The following ANKS1B variants were observed in gnomAD, a reference collection of about 807,000 sequenced individuals.
The protein encoded by ANKS1B is ankyrin repeat and sterile alpha motif domain containing 1B, also known as ankyrin repeat and sterile alpha motif domain-containing protein 1B.
Under a neutral mutation model 148.3 loss-of-function variants are expected in ANKS1B, and 36 were observed. The ratio of observed to expected loss-of-function variants is 0.24; its 90% CI spans 0.19 to 0.32. The LOEUF is 0.32. Ranked by LOEUF, ANKS1B falls within the 10% of genes least tolerant of loss-of-function variation. ANKS1B has a pLI of 1.00. For synonymous variants in ANKS1B, 542 were observed against 560.8 expected (o/e 0.97, Z 0.47); for missense variants, 1,157 against 1,542.6 (o/e 0.75, Z 4.19).
chr12:98,779,807 G>A (rs2098715905), intron 24 of ANKS1B, among the ~76,000 whole-genome samples: 1 of 152,134 alleles, frequency 6.6e-6, no homozygotes, highest in Non-Finnish European at 1.5e-5. Flanking sequence ...GTTCTTATTT[G>A]AGTCTCCACA....
intron 10 of ANKS1B, among the ~76,000 whole-genome samples, chr12:99,448,771 T>G (rs1183030606): frequency 2.0e-5 from 3 of 152,040 alleles, no homozygotes. Context: ...AAATCAAGAA[T>G]GACTCTAAGG....
chr12:99,653,187 A>AATC (rs2098433067), intron 9 of ANKS1B, among the ~76,000 whole-genome samples: 1 of 152,218 alleles, frequency 6.6e-6, no homozygotes, highest in Non-Finnish European at 1.5e-5. Context: ...AGCCTAAAAA[A>AATC]TAATAAAATC....
rs1374867172 is a variant in ANKS1B, at chr12:99,848,983, C to T, written c.135-23594G>A. 2.6e-5 allele frequency among the ~76,000 whole-genome samples: 4 copies of T among 151,848 alleles called. No homozygotes were observed. In the East Asian group the frequency reaches 7.7e-4, roughly 29 times the overall value. ...CACATGTTCTCACTTGTAAGTGGAG[C>T]TAAACACTGGGTATACATGCACATA... On this transcript the variant is annotated intron_variant, in intron 1 of 26. Transcript: ENST00000683438.
At chr12:99,493,773 C>T (rs1419898093) in intron 10 of ANKS1B, among the ~76,000 whole-genome samples, 2 of 151,720 alleles carry the variant, frequency 1.3e-5, no homozygotes, top group Admixed American at 1.3e-4. Flanking sequence ...GTTGAGGTGC[C>T]CTTGGAGATA....
chr12:99,659,849 T>C (rs2098467725), intron 8 of ANKS1B, among the ~76,000 whole-genome samples: 1 of 152,236 alleles, frequency 6.6e-6, no homozygotes, highest in African/African-American at 2.4e-5. Context: ...GTCCAGATTA[T>C]AATCCAAGCC....
intron 17 of ANKS1B, among the ~76,000 whole-genome samples, chr12:98,977,280 G>GA (rs1394207584): frequency 6.6e-6 from 1 of 152,082 alleles, no homozygotes; most frequent in Non-Finnish European, 1.5e-5. Context: ...ATCATTTTAT[G>GA]AAAAAACCTT....
chr12:99,037,440 G>A (rs1159117543), intron 17 of ANKS1B, among the ~76,000 whole-genome samples: 2 of 151,956 alleles, frequency 1.3e-5, no homozygotes, highest in African/African-American at 4.8e-5. Context: ...GGGAGGCAGA[G>A]GTTGCAGTGA....
chr12:98,873,620 G>A (rs543947815), intron 17 of ANKS1B, among the ~76,000 whole-genome samples: 8 of 152,144 alleles, frequency 5.3e-5, no homozygotes, highest in Non-Finnish European at 1.2e-4. Flanking sequence ...CAGATGTGGT[G>A]GACAAATCCT....
chr12:99,637,844 C>CA (rs1567534552), intron 9 of ANKS1B, among the ~76,000 whole-genome samples: 15 of 145,106 alleles, frequency 1.0e-4, no homozygotes, highest in African/African-American at 3.5e-4. Flanking sequence ...TACACATACA[C>CA]GGAGAGAGAG....
chr12:99,186,366 C>T (rs2079855536), intron 14 of ANKS1B, among the ~76,000 whole-genome samples: 1 of 152,142 alleles, frequency 6.6e-6, no homozygotes, highest in South Asian at 2.1e-4. Context: ...AGCAGATCTC[C>T]CGGCACATTG....
chr12:99,862,012 C>G (rs1488422704), intron 1 of ANKS1B, among the ~76,000 whole-genome samples: 1 of 152,246 alleles, frequency 6.6e-6, no homozygotes, highest in East Asian at 1.9e-4. Flanking sequence ...AAAATAAATG[C>G]ATAATTCATT....
intron 12 of ANKS1B, among the ~76,000 whole-genome samples, chr12:99,320,686 C>T (rs1566886519): frequency 6.6e-6 from 1 of 152,202 alleles, no homozygotes; most frequent in African/African-American, 2.4e-5. Context: ...CATCTGAAGC[C>T]TTCTTCTCTC....
chr12:99,789,978 C>T (rs1423826315), intron 4 of ANKS1B, among the ~76,000 whole-genome samples: 2 of 151,988 alleles, frequency 1.3e-5, no homozygotes, highest in African/African-American at 4.8e-5. Flanking sequence ...ACTTCCCAAA[C>T]CCAGAGAAAG....
chr12:99,825,973 T>A (rs1320503723), intron 1 of ANKS1B, among the ~76,000 whole-genome samples: 1 of 152,218 alleles, frequency 6.6e-6, no homozygotes, highest in Non-Finnish European at 1.5e-5. Context: ...TTGATTTTAC[T>A]ATGCAATATA....
chr12:99,482,367 A>T (rs2096425192), intron 10 of ANKS1B, among the ~76,000 whole-genome samples: 1 of 151,860 alleles, frequency 6.6e-6, no homozygotes, highest in African/African-American at 2.4e-5. Flanking sequence ...TGGGTTCTCT[A>T]TTCTGTTCCA....
exon 10 of ANKS1B, chr12:98,735,508 T>C: frequency 1.5e-6 from 1 of 671,620 alleles, no homozygotes; most frequent in Non-Finnish European, 2.9e-6. Context: ...TCAAGCTAAA[T>C]ACATCAACCT....
At chr12:99,517,372 T>TTC (rs999715792) in intron 9 of ANKS1B, among the ~76,000 whole-genome samples, 4 of 115,494 alleles carry the variant, frequency 3.5e-5, no homozygotes, top group African/African-American at 3.0e-4. Context: ...ATCCTGACAC[T>TTC]ACTAAATTTA....
rs867602966 is a variant in ANKS1B, at chr12:99,740,076, G to C, written c.1128+32846C>G. Among the ~76,000 whole-genome samples the C allele has an allele frequency of 3.9e-5, 6 of 152,290 alleles. 1 individual carries two copies. The highest frequency in any genetic ancestry group is 6.8e-3 in the Middle Eastern group (2 of 294). On this transcript the variant is annotated intron_variant, in intron 8 of 26. Transcript: ENST00000683438. ...CTGCAATCCAGCACTTTTGGAGACAGAGGCAAGAGAATCACTTGAGCCCAA... is the reference window on the plus strand; with the variant it reads ...CTGCAATCCAGCACTTTTGGAGACACAGGCAAGAGAATCACTTGAGCCCAA...
At chr12:99,845,655 T>A (rs2086545887) in intron 1 of ANKS1B, among the ~76,000 whole-genome samples, 1 of 152,198 alleles carries the variant, frequency 6.6e-6, no homozygotes, top group African/African-American at 2.4e-5. Flanking sequence ...GCAGTGATGC[T>A]CATCAAGGAT....
Sources: allele counts gnomAD v4.1 joint callset (sites outside exome capture counted in the v4.1 genomes callset), GRCh38; gene constraint gnomAD v4.1.1; transcripts MANE v1.5; gene names NCBI Gene and HGNC (gene_info 2026-07-23, HGNC 2026-07-21).